The following SEC16A variants were observed in gnomAD, a reference collection of about 807,000 sequenced individuals.
SEC16A encodes protein transport protein Sec16A.
A neutral mutation model predicts 221.9 loss-of-function variants in SEC16A; 110 were observed. The observed-to-expected ratio is 0.50, with a 90% CI of 0.42 to 0.58. The LOEUF (loss-of-function observed/expected upper bound fraction) is 0.58. Among genes scored for constraint, SEC16A ranks in the 20% least tolerant of loss-of-function variants. SEC16A has a pLI of 0.00. For missense variants in SEC16A, 3,165 were observed against 3,097.8 expected (o/e 1.02, Z -0.52); for synonymous variants, 1,393 against 1,257.7 (o/e 1.11, Z -2.28).
Position 136,477,141 on chromosome 9 carries a change from G to A in SEC16A, c.475C>T (p.Pro159Ser). ...EPEVQTLPYL[P>S]HYIPGVDPET... ...GGATCCACTCCTGGAATGTAGTGAG[G>A]AAGATATGGCAGAGTCTGAACTTCA... The change falls in exon 3 of 32, where the codon CCT becomes TCT. Residue 159 changes from proline to serine, a missense_variant. Pro to Ser is a moderately conservative substitution (Grantham distance 74). Transcript: ENST00000684901. 2 of 1,613,890 alleles carry A rather than the reference G, an allele frequency of 1.2e-6. No homozygotes were observed. Among genetic ancestry groups the A allele is most frequent in the Non-Finnish European group, 1.7e-6 (2 of 1,179,900 alleles).
upstream of SEC16A, chr9:136,483,504 C>T: frequency 1.0e-6 from 1 of 979,002 alleles, no homozygotes; most frequent in Non-Finnish European, 1.2e-6. Context: ...CCGTCTGCCG[C>T]CTCACCGCTT....
At chr9:136,444,305 G>C (rs1183603483) in intron 30 of SEC16A, among the ~76,000 whole-genome samples, 2 of 152,144 alleles carry the variant, frequency 1.3e-5, no homozygotes, top group South Asian at 2.1e-4. Flanking sequence ...GCTGGTGCCT[G>C]GACAGGCAGA....
Position 136,466,750 on chromosome 9 carries a change from G to A in SEC16A, c.3929+207C>T, listed in dbSNP as rs1382700225. Among the ~76,000 whole-genome samples, 4 of 152,230 alleles carry A rather than the reference G, an allele frequency of 2.6e-5. No individual in the cohort carries two copies. On this transcript the variant is annotated intron_variant, in intron 6 of 31. Transcript: ENST00000684901. This position sits in a 1 kb window ranked among gnomAD's most constrained non-coding sequence, Gnocchi z 5.5. ...CCCAGAGGTGCTGAACAGTCCTCTT[G>A]CTGAGGCCAGTTCTCCTCTAACAGT...
Position 136,476,941 on chromosome 9 carries a change from C to G in SEC16A, c.675G>C (p.Ser225=). ...WGPVQGGPQP[S]GQHRSPCPEG... is the part of the protein sequence containing the mutation. ...CAGGGCAGGGTGAACGATGTTGCCC[C>G]GAGGGCTGTGGGCCTCCCTGCACTG... Residue 225 remains serine, a synonymous_variant, in exon 3 of 32, where the codon TCG becomes TCC. Transcript: ENST00000684901. 6.2e-7 allele frequency: 1 copy of G among 1,612,324 alleles called. No individual in the cohort carries two copies. Among genetic ancestry groups the G allele is most frequent in the African/African-American group, 1.3e-5 (1 of 75,018 alleles).
Position 136,475,483 on chromosome 9 carries a change from C to T in SEC16A, c.2133G>A (p.Arg711=), listed in dbSNP as rs762679962. The T allele has an allele frequency of 1.2e-6, 2 of 1,607,858 alleles. No homozygotes were observed. Among genetic ancestry groups the T allele is most frequent in the Non-Finnish European group, 1.7e-6 (2 of 1,175,876 alleles). The change falls in exon 3 of 32, where the codon AGG becomes AGA. Residue 711 remains arginine, a synonymous_variant. Transcript: ENST00000684901. The surrounding 1 kb of genome is among the most constrained non-coding windows in gnomAD (Gnocchi z 5.0). The part of the protein sequence containing the change: ...YPAPEKRPSA[R]TQGPVKCESP... ...TCTCACACTTCACGGGCCCCTGGGT[C>T]CTGGCTGAAGGCCTCTTCTCGGGTG...
chr9:136,466,090 G>A lies in SEC16A; in HGVS notation c.4175C>T (p.Ala1392Val), dbSNP rs757444103. The A allele has an allele frequency of 1.9e-6, 3 of 1,609,250 alleles. No individual in the cohort carries two copies. The Admixed American group carries it at 5.0e-5, about 27-fold the overall frequency. ...SHNVAAGSYEAPLPPGSFHGD... is the reference protein window; with the variant it reads ...SHNVAAGSYEVPLPPGSFHGD... ...GTGAAAGGAGCCTGGAGGAAGCGGG[G>A]CCTCGTAGGAACCGGCAGCCACATT... The change falls in exon 8 of 32, where the codon GCC becomes GTC. Residue 1392 changes from alanine (A) to valine (V), a missense_variant. Physicochemically the swap from Ala to Val is moderately conservative, Grantham distance 64. Coordinates refer to ENST00000684901, the MANE Select transcript of SEC16A (RefSeq NM_014866.2). This position sits in a 1 kb window ranked among gnomAD's most constrained non-coding sequence, Gnocchi z 5.5.
rs370218845 is a variant in SEC16A, at chr9:136,459,212, G to A, written c.5331C>T (p.Asn1777=). Reference sequence around the variant, plus strand: ...AGGCTTCCGTCCTCTGGATTGCTTCGTTGGTTGCGAACTTTAAGAATGGCA... The same window carrying A: ...AGGCTTCCGTCCTCTGGATTGCTTCATTGGTTGCGAACTTTAAGAATGGCA... ...HSLPFLKFAT[N]EAIQRTEAYE... is the part of the protein sequence containing the mutation. Residue 1777 remains asparagine, a synonymous_variant, in exon 17 of 32, where the codon AAC becomes AAT. Coordinates refer to ENST00000684901, the MANE Select transcript of SEC16A (RefSeq NM_014866.2). This position sits in a 1 kb window ranked among gnomAD's most constrained non-coding sequence, Gnocchi z 6.1. The A allele has an allele frequency of 2.2e-5, 36 of 1,613,666 alleles. No homozygotes were observed. In the South Asian group the frequency reaches 2.3e-4, roughly 10 times the overall value.
intron 9 of SEC16A, among the ~76,000 whole-genome samples, chr9:136,464,129 C>T (rs1198268426): frequency 7.0e-6 from 1 of 143,308 alleles, no homozygotes; most frequent in Non-Finnish European, 1.5e-5. Context: ...CTGCATCTAT[C>T]ATTGAAAAGC....
chr9:136,444,390 C>T (rs902814208), intron 30 of SEC16A, among the ~76,000 whole-genome samples: 2 of 152,236 alleles, frequency 1.3e-5, no homozygotes, highest in Non-Finnish European at 2.9e-5. Context: ...CTCAAACCAA[C>T]GTTCTCATGC....
chr9:136,455,437 G>T (rs1159522699), intron 20 of SEC16A, among the ~76,000 whole-genome samples, 164 bp downstream of exon 20: 1 of 152,188 alleles, frequency 6.6e-6, no homozygotes, highest in Non-Finnish European at 1.5e-5. Flanking sequence ...GAAGGGAAGA[G>T]GGAGGAGACC....
In SEC16A at chr9:136,477,073, C is replaced by T. The variant is rs1841743951; in HGVS notation, c.543G>A (p.Gly181=). ...TTTGCCTGCTCAGGGGTCGGTCGAGCCCAGGCATGTTCCCATGAGGGTGGC... is the reference window on the plus strand; with the variant it reads ...TTTGCCTGCTCAGGGGTCGGTCGAGTCCAGGCATGTTCCCATGAGGGTGGC... The part of the protein sequence containing the change: ...HGGHPHGNMP[G]LDRPLSRQNP... Residue 181 remains glycine, a synonymous_variant, in exon 3 of 32, where the codon GGG becomes GGA. Coordinates refer to ENST00000684901, the MANE Select transcript of SEC16A (RefSeq NM_014866.2). 1.2e-6 allele frequency: 2 copies of T among 1,613,822 alleles called. No individual in the cohort carries two copies. The highest frequency in any genetic ancestry group is 1.7e-5 in the Admixed American group (1 of 60,022).
intron 23 of SEC16A, 82 bp from the exon 24 acceptor site, chr9:136,448,243 G>A (rs1343780150): frequency 8.3e-7 from 1 of 1,204,424 alleles, no homozygotes; most frequent in South Asian, 1.3e-5. Context: ...AATTCTACAT[G>A]ACCCACTTCT....
intron 4 of SEC16A, among the ~76,000 whole-genome samples, chr9:136,469,777 G>A (rs533604137): frequency 3.3e-5 from 5 of 152,338 alleles, no homozygotes; most frequent in South Asian, 2.1e-4. Context: ...CACACCCGCC[G>A]CTGAGGTTGG....
chr9:136,478,657 A>C (rs573734507), intron 2 of SEC16A, among the ~76,000 whole-genome samples, 52 bp downstream of exon 2: 3 of 151,878 alleles, frequency 2.0e-5, no homozygotes, highest in Admixed American at 6.6e-5. Flanking sequence ...GCAACATAGC[A>C]AGACCTTGTC....
chr9:136,466,339 C>A lies in SEC16A; in HGVS notation c.4053G>T (p.Glu1351Asp). ...EEVDRRSVHS[E>D]HSARSLHSAH... is the part of the protein sequence containing the mutation. ...CGCTGTGCAGGCTCCGTGCCGAGTGCTCGCTGTGGACGCTGCGCCGGTCCA... is the reference window on the plus strand; with the variant it reads ...CGCTGTGCAGGCTCCGTGCCGAGTGATCGCTGTGGACGCTGCGCCGGTCCA... The change falls in exon 7 of 32, where the codon GAG becomes GAT. Residue 1351 changes from glutamate to aspartate, a missense_variant. Coordinates refer to ENST00000684901, the MANE Select transcript of SEC16A (RefSeq NM_014866.2). The surrounding 1 kb of genome is among the most constrained non-coding windows in gnomAD (Gnocchi z 5.5). 1 of 1,576,228 alleles carries A rather than the reference C, an allele frequency of 6.3e-7. No individual in the cohort carries two copies. Among genetic ancestry groups the A allele is most frequent in the Non-Finnish European group, 8.6e-7 (1 of 1,161,322 alleles).
rs543729062 is a variant in SEC16A at position 136,441,972 on chromosome 9, C to T, written c.7006-149G>A. ...AAGGCTTCGTTTTTGTTTCCAAAAG[C>T]CTCTGGAAACCGACAAGTCAGTGCC... On this transcript the variant is annotated intron_variant, in intron 31 of 31. Transcript: ENST00000684901. The T allele has an allele frequency of 5.0e-5, 34 of 674,652 alleles. No individual in the cohort carries two copies. The South Asian group carries it at 5.5e-4, about 11-fold the overall frequency. 41.8% of individuals were successfully genotyped at this position (674,652 alleles called of 1,614,324 possible).
At chr9:136,465,807 T>C (rs554555572) in intron 8 of SEC16A, among the ~76,000 whole-genome samples, 155 bp downstream of exon 8, 1 of 152,362 alleles carries the variant, frequency 6.6e-6, no homozygotes, top group African/African-American at 2.4e-5. Flanking sequence ...CGGCCCGTCC[T>C]GACACACCCT....
At chr9:136,484,573 G>T (rs527963023), upstream of SEC16A, 1 of 1,333,390 alleles carries the variant, frequency 7.5e-7, no homozygotes, top group Non-Finnish European at 1.0e-6. Flanking sequence ...CATCGCGGGA[G>T]GCTGAGCTCC....
intron 22 of SEC16A, among the ~76,000 whole-genome samples, chr9:136,453,187 T>TAA (rs1446371420): frequency 1.3e-5 from 2 of 152,188 alleles, no homozygotes; most frequent in Non-Finnish European, 2.9e-5. Context: ...TTCTTCTACT[T>TAA]AAAGTAACTG....
Sources: gnomAD v4.1 joint callset for allele counts (sites outside exome capture counted in the v4.1 genomes callset) on GRCh38, gnomAD v4.1.1 for gene constraint, Gnocchi (gnomAD v3.1) non-coding constraint, MANE v1.5 for transcripts, NCBI Gene and HGNC (gene_info 2026-07-23, HGNC 2026-07-21) for gene names.